Variants in TBC1D15 observed in about 807,000 individuals in gnomAD.
TBC1D15 encodes the protein TBC1 domain family member 15, also known as GAP for RAB7.
TBC1D15 carries 39 observed loss-of-function variants against 95.4 expected under a neutral mutation model. The ratio of observed to expected loss-of-function variants is 0.41; its 90% CI spans 0.32 to 0.53. The LOEUF (loss-of-function observed/expected upper bound fraction) is 0.53, where lower values mean the gene tolerates loss of function less well. Ranked by LOEUF, TBC1D15 falls within the 20% of genes least tolerant of loss-of-function variation. The probability of loss-of-function intolerance (pLI) is 0.29; values close to 1 mark genes in which losing one functional copy is unlikely to be tolerated. For synonymous variants in TBC1D15, 258 were observed against 261.3 expected, an observed-to-expected ratio of 0.99 and a Z score of 0.12; for missense variants, 733 against 794.3, an observed-to-expected ratio of 0.92 and a Z score of 0.93.
chr12:71,865,827 A>T (rs573755283), intron 1 of TBC1D15, among the ~76,000 whole-genome samples: 21 of 152,010 alleles, frequency 1.4e-4, no homozygotes, highest in African/African-American at 5.1e-4. Flanking sequence ...TTTCCCAGGG[A>T]GTGATATGCC....
chr12:71,847,648 TTGTG>T (rs1228753516), intron 1 of TBC1D15, among the ~76,000 whole-genome samples: 2 of 151,792 alleles, frequency 1.3e-5, no homozygotes, highest in Non-Finnish European at 2.9e-5. Context: ...TGAGCCGAGA[TTGTG>T]CCACTGCTCT....
intron 1 of TBC1D15, among the ~76,000 whole-genome samples, chr12:71,871,217 A>G (rs991708193): frequency 2.6e-5 from 4 of 152,176 alleles, no homozygotes; most frequent in South Asian, 4.1e-4. Flanking sequence ...AATTTATTCA[A>G]GGATTATGTC....
Position 71,893,219 on chromosome 12 carries a change from T to C in TBC1D15, c.555-3T>C, listed in dbSNP as rs960920966. On this transcript the variant is annotated splice_region_variant and splice_polypyrimidine_tract_variant and intron_variant, in intron 5 of 16. Coordinates refer to ENST00000485960, the MANE Select transcript of TBC1D15 (RefSeq NM_001146213.3). ...TTTCTACAAATCCTCTTTTTTATTA[T>C]AGATCTCCACAGGATAAAAGAACAC... 1 of 1,579,946 alleles carries C rather than the reference T, an allele frequency of 6.3e-7. No individual in the cohort carries two copies. Among genetic ancestry groups the C allele is most frequent in the Non-Finnish European group, 8.6e-7 (1 of 1,161,022 alleles).
Position 71,918,529 on chromosome 12 carries a change from A to G in TBC1D15, c.1580A>G (p.Asp527Gly). The G allele has an allele frequency of 6.3e-7, 1 of 1,597,500 alleles. No individual in the cohort carries two copies. The highest frequency in any genetic ancestry group is 2.2e-5 in the East Asian group (1 of 44,634). ...TTCAAAAGGGAATTTAGTTTTCTAG[A>G]TATTCTTCGATTATGGGAGGTAAGT... ...IRFKREFSFL[D>G]ILRLWEVMWT... The change falls in exon 14 of 17, where the codon GAT (aspartate) becomes GGT (glycine). Residue 527 changes from aspartate to glycine, a missense_variant. By Grantham distance (94) the Asp-to-Gly change is moderately conservative. Transcript: ENST00000485960.
At position 71,923,752 on chromosome 12, in the gene TBC1D15, T is replaced by C. The variant is rs1870277079; in HGVS notation, c.*548T>C. On this transcript the variant is annotated 3_prime_UTR_variant, in exon 17 of 17. Coordinates refer to ENST00000485960, the MANE Select transcript of TBC1D15 (RefSeq NM_001146213.3). Reference sequence around the variant, plus strand: ...CAATGCAGTCTAATGTGTAGATAAATATTTCAACCATAATAAGTGGATTGG... The same window carrying C: ...CAATGCAGTCTAATGTGTAGATAAACATTTCAACCATAATAAGTGGATTGG... The C allele has an allele frequency of 6.5e-6, 1 of 152,700 alleles. No individual in the cohort carries two copies. Among genetic ancestry groups the C allele is most frequent in the African/African-American group, 2.4e-5 (1 of 41,458 alleles). 9.5% of individuals were successfully genotyped at this position (152,700 alleles called of 1,614,324 possible).
rs77709233 is a variant in TBC1D15 at position 71,912,689 on chromosome 12, T to C, written c.1301-1137T>C. Among the ~76,000 whole-genome samples the C allele has an allele frequency of 2.3e-3, 357 of 152,240 alleles. 5 individuals carry two copies. In the East Asian group the frequency reaches 0.05, roughly 21 times the overall value. ...CTCCCTCTTTCATTAAATATTTACTTTTACATGGCTTCAGTGCAGATAGAT... is the reference window on the plus strand; with the variant it reads ...CTCCCTCTTTCATTAAATATTTACTCTTACATGGCTTCAGTGCAGATAGAT... On this transcript the variant is annotated intron_variant, in intron 11 of 16. Coordinates refer to ENST00000485960, the MANE Select transcript of TBC1D15 (RefSeq NM_001146213.3).
intron 1 of TBC1D15, among the ~76,000 whole-genome samples, chr12:71,868,412 A>T (rs1288226501): frequency 6.6e-6 from 1 of 151,762 alleles, no homozygotes; most frequent in Non-Finnish European, 1.5e-5. Flanking sequence ...TGCCCGGATA[A>T]TTTTTTCTAT....
intron 1 of TBC1D15, among the ~76,000 whole-genome samples, chr12:71,862,616 G>C (rs1592715457): frequency 6.6e-6 from 1 of 152,068 alleles, no homozygotes; most frequent in Non-Finnish European, 1.5e-5. Flanking sequence ...CTTTTATGTG[G>C]GCAATTTAAT....
chr12:71,880,997 G>T (rs762583330), intron 4 of TBC1D15, among the ~76,000 whole-genome samples: 20 of 152,114 alleles, frequency 1.3e-4, no homozygotes, highest in Non-Finnish European at 2.1e-4. Context: ...CATCTTGCTG[G>T]ACTCTTCATG....
intron 1 of TBC1D15, among the ~76,000 whole-genome samples, chr12:71,844,893 AC>A (rs1049923275): frequency 3.4e-4 from 52 of 152,314 alleles, no homozygotes; most frequent in African/African-American, 1.3e-3. Context: ...TGCCACTGAC[AC>A]CTTTTATTTC....
chr12:71,899,043 A>G (rs1898782147), intron 10 of TBC1D15, among the ~76,000 whole-genome samples: 1 of 152,180 alleles, frequency 6.6e-6, no homozygotes, highest in African/African-American at 2.4e-5. Flanking sequence ...AAAAACAATA[A>G]GGGATTCTGG....
chr12:71,874,151 A>G (rs1268374821), intron 3 of TBC1D15, among the ~76,000 whole-genome samples: 1 of 152,204 alleles, frequency 6.6e-6, no homozygotes, highest in African/African-American at 2.4e-5. Context: ...AAGGTAATTG[A>G]GGTCTTTGAC....
chr12:71,875,379 T>C (rs947015908), intron 3 of TBC1D15, among the ~76,000 whole-genome samples: 2 of 152,184 alleles, frequency 1.3e-5, no homozygotes, highest in Non-Finnish European at 2.9e-5. Context: ...GTTTTAATTT[T>C]CATGAAGTCA....
At chr12:71,884,290 A>T (rs191149953) in intron 4 of TBC1D15, among the ~76,000 whole-genome samples, 3 of 152,284 alleles carry the variant, frequency 2.0e-5, no homozygotes, top group Admixed American at 2.0e-4. Context: ...GAATTAAGCT[A>T]TTCTTATTTT....
intron 1 of TBC1D15, chr12:71,849,169 A>C (rs1347153896): frequency 1.5e-4 from 40 of 269,898 alleles, no homozygotes; most frequent in South Asian, 3.4e-4. Flanking sequence ...ATTATAAAAA[A>C]AAAAAAAAAC....
chr12:71,880,161 A>T (rs1894833823), intron 3 of TBC1D15, among the ~76,000 whole-genome samples: 2 of 152,088 alleles, frequency 1.3e-5, no homozygotes, highest in South Asian at 2.1e-4. Context: ...GCATGGTTAC[A>T]TTCAAAGCAG....
At chr12:71,848,012 G>A (rs1411979962) in intron 1 of TBC1D15, among the ~76,000 whole-genome samples, 3 of 152,096 alleles carry the variant, frequency 2.0e-5, no homozygotes, top group Non-Finnish European at 2.9e-5. Context: ...CAGGAGAATC[G>A]CTTGAATTCA....
intron 8 of TBC1D15, 40 bp downstream of exon 8, chr12:71,896,115 C>T: frequency 6.6e-7 from 1 of 1,523,606 alleles, no homozygotes; most frequent in Non-Finnish European, 8.9e-7. Context: ...TTATAAACTC[C>T]TAGTATTTAG....
Position 71,897,940 on chromosome 12 carries a change from C to T in TBC1D15, c.1182C>T (p.Ile394=), listed in dbSNP as rs764533311. 7 of 1,609,652 alleles carry T rather than the reference C, an allele frequency of 4.3e-6. No homozygotes were observed. The highest frequency in any genetic ancestry group is 2.2e-5 in the East Asian group (1 of 44,676). Residue 394 remains isoleucine, a splice_region_variant and synonymous_variant, in exon 10 of 17, where the codon ATC becomes ATT. Coordinates refer to ENST00000485960, the MANE Select transcript of TBC1D15 (RefSeq NM_001146213.3). ...GGTTAAGAGATTATAGAAGTCTTATCGGTAATTTTTTCTTAACAACTTTGG... is the reference window on the plus strand; with the variant it reads ...GGTTAAGAGATTATAGAAGTCTTATTGGTAATTTTTTCTTAACAACTTTGG... The part of the protein sequence containing the change: ...NSRLRDYRSL[I]EKDVNRTDRT...
Sources: gnomAD v4.1 joint callset for allele counts (sites outside exome capture counted in the v4.1 genomes callset) on GRCh38, gnomAD v4.1.1 for gene constraint, MANE v1.5 for transcripts, NCBI Gene and HGNC (gene_info 2026-07-23, HGNC 2026-07-21) for gene names.